LUZP2: variants seen among roughly 807,000 people sequenced by gnomAD.
LUZP2 encodes leucine zipper protein 2.
In LUZP2, 52 loss-of-function variants were observed where a neutral mutation model predicts 51.6. The ratio of observed to expected loss-of-function variants is 1.01; its 90% CI spans 0.81 to 1.27. The LOEUF is 1.27. LUZP2 is among the 50% of genes most tolerant of loss of function. The probability of loss-of-function intolerance (pLI) is 0.00; values close to 1 mark genes in which losing one functional copy is unlikely to be tolerated. For missense variants in LUZP2, 436 were observed against 395.4 expected (o/e 1.10, Z -0.87); for synonymous variants, 154 against 137.3 (o/e 1.12, Z -0.85).
intron 1 of LUZP2, among the ~76,000 whole-genome samples, chr11:24,690,562 C>A (rs767412835): frequency 3.9e-5 from 6 of 152,028 alleles, no homozygotes; most frequent in Non-Finnish European, 7.4e-5. Flanking sequence ...CAATTTATTT[C>A]CACTCTGATA....
rs1269405592 is a variant in LUZP2 at position 24,524,147 on chromosome 11, A to G, written c.62+26842A>G. Among the ~76,000 whole-genome samples, 7 of 151,986 alleles carry G rather than the reference A, an allele frequency of 4.6e-5. No homozygotes were observed. The East Asian group carries it at 1.4e-3, about 29-fold the overall frequency. On this transcript the variant is annotated intron_variant, in intron 1 of 11. Coordinates refer to ENST00000336930, the MANE Select transcript of LUZP2 (RefSeq NM_001009909.4). ...GAGCTGGCCAGTTTTATCATTTTCT[A>G]TTAGATGACAAAGATGTTAAATGTT...
intron 7 of LUZP2, among the ~76,000 whole-genome samples, chr11:24,952,317 G>A (rs748858230): frequency 1.3e-5 from 2 of 151,598 alleles, no homozygotes; most frequent in Non-Finnish European, 3.0e-5. Context: ...ATGTTGGCAC[G>A]TGTTTTTGCA....
rs569745689 is a variant in LUZP2 at position 24,745,138 on chromosome 11, A to G, written c.333+6836A>G. On this transcript the variant is annotated intron_variant, in intron 4 of 11. Transcript: ENST00000336930. ...TGTTTTATGGCCTGTCATATGGTCT[A>G]TCTTGGAGAAAGTTGCATGCGCTGT... Among the ~76,000 whole-genome samples, 251 of 152,242 alleles carry G rather than the reference A, an allele frequency of 1.6e-3. 4 individuals are homozygous for G. Among genetic ancestry groups the G allele is most frequent in the Non-Finnish European group, 6.9e-4 (47 of 68,014 alleles).
chr11:24,947,703 G>C (rs1045254122), intron 7 of LUZP2, among the ~76,000 whole-genome samples: 1 of 151,790 alleles, frequency 6.6e-6, no homozygotes, highest in Non-Finnish European at 1.5e-5. Flanking sequence ...CTTTGGCCTT[G>C]ATTTTTGAAA....
intron 4 of LUZP2, among the ~76,000 whole-genome samples, chr11:24,761,749 G>C (rs1354939579): frequency 1.3e-5 from 2 of 152,052 alleles, no homozygotes; most frequent in Non-Finnish European, 2.9e-5. Context: ...AAATTCACTA[G>C]CTACAATAAA....
intron 1 of LUZP2, among the ~76,000 whole-genome samples, chr11:24,500,839 C>T (rs569890317): frequency 1.3e-5 from 2 of 152,200 alleles, no homozygotes; most frequent in African/African-American, 2.4e-5. Context: ...GATCAGCAGT[C>T]ACACTACATG....
intron 8 of LUZP2, among the ~76,000 whole-genome samples, chr11:24,978,763 T>A (rs1161658930): frequency 6.6e-6 from 1 of 151,766 alleles, no homozygotes; most frequent in African/African-American, 2.4e-5. Context: ...TAAGTACCTG[T>A]GGGTCATAGG....
In LUZP2 at chr11:24,796,532, T is replaced by TGTGC. The variant is rs1327578902; in HGVS notation, c.396+33225_396+33226insTGCG. ...GTGTGTGTGTGTGTGTGTGTGTGTG[T>TGTGC]GCCACAGCAAGGGATAGAGGAAAAA... On this transcript the variant is annotated intron_variant, in intron 5 of 11. Transcript: ENST00000336930. 2.4e-3 allele frequency among the ~76,000 whole-genome samples: 334 copies of TGTGC among 136,982 alleles called. 6 individuals are homozygous for TGTGC. The highest frequency in any genetic ancestry group is 0.016 in the Admixed American group (208 of 13,310). The allele number at this position is 136,982 out of a possible 152,430, so 89.9% of individuals were successfully genotyped here. A position where few individuals can be genotyped will look rare whatever the true frequency, so the allele number is the denominator to read the frequency against.
chr11:24,797,700 T>A (rs1308392785), intron 5 of LUZP2, among the ~76,000 whole-genome samples: 1 of 152,174 alleles, frequency 6.6e-6, no homozygotes, highest in Non-Finnish European at 1.5e-5. Flanking sequence ...GTCACTAGCA[T>A]CTCAATTTCC....
intron 6 of LUZP2, among the ~76,000 whole-genome samples, chr11:24,907,017 A>G (rs1565089956): frequency 6.6e-6 from 1 of 152,168 alleles, no homozygotes; most frequent in Non-Finnish European, 1.5e-5. Context: ...ATGACCACTG[A>G]TTCAAAAATA....
At chr11:25,030,821 G>T in intron 9 of LUZP2, among the ~76,000 whole-genome samples, 1 of 141,022 alleles carries the variant, frequency 7.1e-6, no homozygotes, top group Non-Finnish European at 1.5e-5. Context: ...CTAATCTTTT[G>T]ATTTGCAAAA....
At chr11:25,000,265 C>A (rs1856643276) in intron 9 of LUZP2, among the ~76,000 whole-genome samples, 2 of 152,124 alleles carry the variant, frequency 1.3e-5, no homozygotes, top group South Asian at 2.1e-4. Flanking sequence ...GACCCAGAAG[C>A]CCAAGCCGGC....
At chr11:24,751,828 A>G (rs568501216) in intron 4 of LUZP2, among the ~76,000 whole-genome samples, 16 of 152,294 alleles carry the variant, frequency 1.1e-4, no homozygotes, top group African/African-American at 3.6e-4. Context: ...TTACTGGAGT[A>G]GATAAACTAA....
At chr11:24,998,613 T>A (rs574971023) in intron 9 of LUZP2, among the ~76,000 whole-genome samples, 183 of 152,326 alleles carry the variant, frequency 1.2e-3, no homozygotes, top group Non-Finnish European at 1.4e-3. Context: ...AAAATCAGAT[T>A]TTTAGAAATC....
chr11:24,523,410 A>G (rs1386000392), intron 1 of LUZP2, among the ~76,000 whole-genome samples: 1 of 151,744 alleles, frequency 6.6e-6, no homozygotes, highest in African/African-American at 2.4e-5. Context: ...TTTATATACC[A>G]GAGATTGTGT....
At chr11:24,602,123 T>C (rs1853698277) in intron 1 of LUZP2, among the ~76,000 whole-genome samples, 1 of 130,676 alleles carries the variant, frequency 7.7e-6, no homozygotes, top group African/African-American at 3.2e-5. Context: ...TATATGTATA[T>C]ATGTATATGT....
rs187437644 is a variant in LUZP2, at chr11:24,566,748, A to C, written c.62+69443A>C. ...ATATATACATATTTATATATAATGT[A>C]TGTATACATATTTATGTATAAGGTA... On this transcript the variant is annotated intron_variant, in intron 1 of 11. Transcript: ENST00000336930. Among the ~76,000 whole-genome samples, 284 of 146,450 alleles carry C rather than the reference A, an allele frequency of 1.9e-3. 1 individual carries two copies. The highest frequency in any genetic ancestry group is 3.5e-3 in the Non-Finnish European group (232 of 66,902).
chr11:24,824,248 C>T (rs1850452325), intron 5 of LUZP2, among the ~76,000 whole-genome samples: 1 of 150,878 alleles, frequency 6.6e-6, no homozygotes, highest in Non-Finnish European at 1.5e-5. Context: ...TGCCTGTAAT[C>T]CCAGCTACTC....
intron 7 of LUZP2, among the ~76,000 whole-genome samples, chr11:24,919,505 T>C (rs1193528817): frequency 7.3e-6 from 1 of 136,852 alleles, no homozygotes; most frequent in African/African-American, 2.7e-5. Flanking sequence ...TTTATATATA[T>C]TCATAATCTA....
Sources: allele counts gnomAD v4.1 joint callset (sites outside exome capture counted in the v4.1 genomes callset), GRCh38; gene constraint gnomAD v4.1.1; transcripts MANE v1.5; gene names NCBI Gene and HGNC (gene_info 2026-07-23, HGNC 2026-07-21).